The following AQP8 variants were observed in gnomAD, a reference collection of about 807,000 sequenced individuals.
The protein encoded by AQP8 is aquaporin-8.
AQP8 carries 14 observed loss-of-function variants against 26.1 expected under a neutral mutation model. The observed-to-expected ratio is 0.54, with a 90% confidence interval of 0.35 to 0.84. The LOEUF is 0.84. AQP8 is among the 40% of genes least tolerant of loss of function. The pLI is 0.01. For missense variants in AQP8, 301 were observed against 340.5 expected (o/e 0.88, Z 0.91); for synonymous variants, 131 against 150.7 (o/e 0.87, Z 0.96).
chr16:25,224,397 T>A lies in AQP8; in HGVS notation c.423T>A (p.Ser141=). 6.2e-7 allele frequency: 1 copy of A among 1,614,018 alleles called. No homozygotes were observed. The highest frequency in any genetic ancestry group is 8.5e-7 in the Non-Finnish European group (1 of 1,180,004). Residue 141 remains serine (S), a synonymous_variant, in exon 4 of 6, where the codon TCT becomes TCA. Coordinates refer to ENST00000219660, the MANE Select transcript of AQP8 (RefSeq NM_001169.3). The part of the protein sequence containing the change: ...VSPEERFWNA[S]GAAFVTVQEQ... ...CTGAGGAGAGGTTCTGGAATGCATC[T>A]GGGGCGGCCTTTGTGACAGTCCAGG...
intron 2 of AQP8, among the ~76,000 whole-genome samples, chr16:25,220,241 C>T (rs972724239): frequency 6.6e-6 from 1 of 152,048 alleles, no homozygotes; most frequent in Admixed American, 6.6e-5. Context: ...TGGGTAAGCT[C>T]ATTGGTGGGC....
intron 2 of AQP8, among the ~76,000 whole-genome samples, chr16:25,220,351 G>A (rs1962545060): frequency 1.3e-5 from 2 of 152,134 alleles, no homozygotes; most frequent in South Asian, 4.1e-4. Context: ...AAACCAGATG[G>A]ATTCAGGAGG....
intron 5 of AQP8, 135 bp from the exon 6 acceptor site, chr16:25,228,309 T>C: frequency 1.4e-6 from 1 of 727,684 alleles, no homozygotes; most frequent in Non-Finnish European, 2.4e-6. Context: ...TCTCTCTCTC[T>C]GCAAGGGGAT....
chr16:25,224,886 C>T (rs1962611228), intron 4 of AQP8, among the ~76,000 whole-genome samples: 1 of 152,216 alleles, frequency 6.6e-6, no homozygotes. Flanking sequence ...GTAAATACAA[C>T]ATTTCTGTGA....
chr16:25,223,824 CTTTTTCTTTTTT>C (rs1347245745), intron 3 of AQP8, among the ~76,000 whole-genome samples: 1 of 150,322 alleles, frequency 6.7e-6, no homozygotes, highest in East Asian at 1.9e-4. Context: ...TTTTCTTTTT[CTTTTTCTTTTTT>C]TTTTTTTTGA....
At chr16:25,221,699 G>T in intron 3 of AQP8, 116 bp downstream of exon 3, 1 of 1,267,348 alleles carries the variant, frequency 7.9e-7, no homozygotes, top group Non-Finnish European at 1.1e-6. Flanking sequence ...TCTTTTGCTT[G>T]TTTCTGCCAG....
In AQP8 at chr16:25,217,430, C is replaced by T. The variant is rs745351844; in HGVS notation, c.245C>T (p.Thr82Met). 20 of 1,613,934 alleles carry T rather than the reference C, an allele frequency of 1.2e-5. No individual in the cohort carries two copies. The highest frequency in any genetic ancestry group is 7.7e-5 in the South Asian group (7 of 91,072). ...HGLALGLVIA[T>M]LGNISGGHFN... The stretch of plus-strand genomic sequence containing the variant: ...CTGGCTTTGGGGCTCGTGATTGCCA[C>T]GCTGGGGAATATCAGGTGAGACCAG... The change falls in exon 2 of 6, where the codon ACG becomes ATG. Residue 82 changes from threonine (T) to methionine (M), a missense_variant. By Grantham distance (81) the Thr-to-Met change is moderately conservative (BLOSUM62 -1). Coordinates refer to ENST00000219660, the MANE Select transcript of AQP8 (RefSeq NM_001169.3).
chr16:25,222,669 G>A (rs552289409), intron 3 of AQP8, among the ~76,000 whole-genome samples: 10 of 149,172 alleles, frequency 6.7e-5, no homozygotes, highest in African/African-American at 2.4e-4. Context: ...GCCTTGCTTG[G>A]TGTGTGTGTG....
At position 25,217,065 on chromosome 16, in the gene AQP8, C is replaced by T. The variant is rs779271036; in HGVS notation, c.12+8C>T. The T allele has an allele frequency of 1.2e-6, 2 of 1,613,978 alleles. No individual in the cohort carries two copies. Among genetic ancestry groups the T allele is most frequent in the South Asian group, 2.2e-5 (2 of 91,080 alleles). ...ATCCTGATGTCTGGAGAGGTGAGCC[C>T]TCTGTCGGCATCTTCCTCTCCAGGC... On this transcript the variant is annotated splice_region_variant and intron_variant, in intron 1 of 5. Coordinates refer to ENST00000219660, the MANE Select transcript of AQP8 (RefSeq NM_001169.3).
chr16:25,224,676 G>GGCC (rs1305507272), intron 4 of AQP8, 100 bp downstream of exon 4: 7 of 1,251,208 alleles, frequency 5.6e-6, no homozygotes, highest in Non-Finnish European at 7.7e-6. Flanking sequence ...TGCTATTAGG[G>GGCC]GCCAGGAAGG....
At chr16:25,223,777 G>A (rs2141343910) in intron 3 of AQP8, among the ~76,000 whole-genome samples, 1 of 151,992 alleles carries the variant, frequency 6.6e-6, no homozygotes, top group Middle Eastern at 3.4e-3. Flanking sequence ...ATAAGTTTTA[G>A]GTCTGTAACC....
intron 3 of AQP8, 108 bp from the exon 4 acceptor site, chr16:25,224,254 C>T (rs532952218): frequency 2.9e-6 from 3 of 1,019,726 alleles, no homozygotes; most frequent in Non-Finnish European, 4.3e-6. Context: ...TTGGACATAA[C>T]CCTTCACTGG....
chr16:25,220,703 T>C (rs542663361), intron 2 of AQP8, among the ~76,000 whole-genome samples: 1 of 152,304 alleles, frequency 6.6e-6, no homozygotes, highest in Non-Finnish European at 1.5e-5. Context: ...GGGTTTTCAC[T>C]GGCTGAGCAG....
chr16:25,226,243 C>A (rs1052197747), intron 4 of AQP8, among the ~76,000 whole-genome samples: 1 of 150,676 alleles, frequency 6.6e-6, no homozygotes, highest in South Asian at 2.1e-4. Flanking sequence ...TTATACTCTT[C>A]GTTATTTTAT....
chr16:25,228,316 G>A, intron 5 of AQP8, 128 bp from the exon 6 acceptor site: 1 of 765,048 alleles, frequency 1.3e-6, no homozygotes. Context: ...CTCTGCAAGG[G>A]GATCTGGCTA....
intron 2 of AQP8, among the ~76,000 whole-genome samples, chr16:25,220,689 A>G (rs1353134056): frequency 6.6e-6 from 1 of 152,156 alleles, no homozygotes; most frequent in Admixed American, 6.5e-5. Context: ...TCAGACCACA[A>G]GTAGGGTTTT....
chr16:25,225,561 C>T (rs1050747550), intron 4 of AQP8, among the ~76,000 whole-genome samples: 1 of 151,926 alleles, frequency 6.6e-6, no homozygotes, highest in African/African-American at 2.4e-5. Context: ...CGTCCGCCAC[C>T]ACGCCCGGCT....
At chr16:25,219,943 A>G (rs1962535494) in intron 2 of AQP8, among the ~76,000 whole-genome samples, 1 of 152,086 alleles carries the variant, frequency 6.6e-6, no homozygotes, top group Non-Finnish European at 1.5e-5. Context: ...GCTGAAGCAG[A>G]AGAATCGCTT....
chr16:25,219,682 A>G (rs1464767298), intron 2 of AQP8, among the ~76,000 whole-genome samples: 1 of 151,350 alleles, frequency 6.6e-6, no homozygotes, highest in Admixed American at 6.6e-5. Flanking sequence ...CTTGAGGCCA[A>G]GTAGGCCTGG....
Sources: gnomAD v4.1 joint callset for allele counts (sites outside exome capture counted in the v4.1 genomes callset) on GRCh38, gnomAD v4.1.1 for gene constraint, MANE v1.5 for transcripts, NCBI Gene and HGNC (gene_info 2026-07-23, HGNC 2026-07-21) for gene names.